The following GABRB3 variants were observed in gnomAD, a reference collection of about 807,000 sequenced individuals.
The protein encoded by GABRB3 is gamma-aminobutyric acid receptor subunit beta-3.
GABRB3 carries 14 observed loss-of-function variants against 52.1 expected under a neutral mutation model. The ratio of observed to expected loss-of-function variants is 0.27; its 90% CI spans 0.18 to 0.42. The LOEUF is 0.42. GABRB3 is among the 10% of genes least tolerant of loss of function. GABRB3 has a pLI of 1.00. For synonymous variants in GABRB3, 260 were observed against 232.3 expected, an observed-to-expected ratio of 1.12 and a Z score of -1.08; for missense variants, 307 against 609.1, an observed-to-expected ratio of 0.50 and a Z score of 5.22.
At chr15:26,744,330 T>C (rs981778605) in intron 3 of GABRB3, among the ~76,000 whole-genome samples, 3 of 152,250 alleles carry the variant, frequency 2.0e-5, no homozygotes, top group African/African-American at 7.2e-5. Context: ...CTTTTGGTTT[T>C]GTAATTTTTA....
At chr15:26,555,492 G>A (rs756420523) in intron 8 of GABRB3, among the ~76,000 whole-genome samples, 14 of 152,290 alleles carry the variant, frequency 9.2e-5, no homozygotes, top group Non-Finnish European at 1.8e-4. Context: ...ACGACCTCAC[G>A]AACGTGGGTC....
Position 26,544,723 on chromosome 15 carries a change from A to C in GABRB3, c.*3070T>G, listed in dbSNP as rs1011367694. 1 of 152,334 alleles carries C rather than the reference A, an allele frequency of 6.6e-6. No individual in the cohort carries two copies. Among genetic ancestry groups the C allele is most frequent in the Non-Finnish European group, 1.5e-5 (1 of 68,044 alleles). 9.4% of individuals were successfully genotyped at this position (152,334 alleles called of 1,614,324 possible). On this transcript the variant is annotated 3_prime_UTR_variant, in exon 9 of 9. Coordinates refer to ENST00000311550, the MANE Select transcript of GABRB3 (RefSeq NM_000814.6). ...AATATGGGTAATAACAAACTGTCATAACAAGATTCTTCTGTAGATCTTGAG... is the reference window on the plus strand; with the variant it reads ...AATATGGGTAATAACAAACTGTCATCACAAGATTCTTCTGTAGATCTTGAG...
intron 4 of GABRB3, chr15:26,612,162 G>A (rs188173599): frequency 3.9e-5 from 6 of 152,198 alleles, no homozygotes; most frequent in Admixed American, 3.3e-4. Flanking sequence ...CCTTCATGGT[G>A]GGCCACAAGA....
At position 26,555,833 on chromosome 15, in the gene GABRB3, T is replaced by A. The variant is rs543824724; in HGVS notation, c.1080+5099A>T. Among the ~76,000 whole-genome samples, 5 of 152,338 alleles carry A rather than the reference T, an allele frequency of 3.3e-5. No homozygotes were observed. In the South Asian group the frequency reaches 1.0e-3, roughly 32 times the overall value. ...TGTTAAATAGTTTGGCTGCTTTATT[T>A]ATGGTTTTATGTTTGTATGGTTTTC... On this transcript the variant is annotated intron_variant, in intron 8 of 8. Transcript: ENST00000311550.
At chr15:26,609,103 T>TACACACACACACACACACACAC (rs79471574) in intron 4 of GABRB3, among the ~76,000 whole-genome samples, 1 of 143,280 alleles carries the variant, frequency 7.0e-6, no homozygotes. Context: ...CACACACACA[T>TACACACACACACACACACACAC]ACACACACAC....
intron 3 of GABRB3, among the ~76,000 whole-genome samples, chr15:26,750,828 G>C (rs1890485324): frequency 6.6e-6 from 1 of 152,160 alleles, no homozygotes. Flanking sequence ...CTGTTATATT[G>C]AATGAATAAG....
chr15:26,572,756 G>A (rs895701624), intron 6 of GABRB3, among the ~76,000 whole-genome samples: 4 of 152,184 alleles, frequency 2.6e-5, no homozygotes, highest in Non-Finnish European at 4.4e-5. Flanking sequence ...GAAATGCGCT[G>A]AAGCCCTAAT....
In GABRB3 at chr15:26,672,786, C is replaced by T. The variant is rs182170795; in HGVS notation, c.241-51252G>A. Among the ~76,000 whole-genome samples, 76 of 152,006 alleles carry T rather than the reference C, an allele frequency of 5.0e-4. 1 individual carries two copies. The highest frequency in any genetic ancestry group is 3.4e-3 in the Middle Eastern group (1 of 294). On this transcript the variant is annotated intron_variant, in intron 3 of 8. Coordinates refer to ENST00000311550, the MANE Select transcript of GABRB3 (RefSeq NM_000814.6). ...TCAAACATCATGATCAGAGCAGATGCGCAATGTTTACAAGGACGGATGAAA... is the reference window on the plus strand; with the variant it reads ...TCAAACATCATGATCAGAGCAGATGTGCAATGTTTACAAGGACGGATGAAA...
At chr15:26,651,531 A>G (rs541011795) in intron 3 of GABRB3, among the ~76,000 whole-genome samples, 2 of 152,346 alleles carry the variant, frequency 1.3e-5, no homozygotes, top group South Asian at 4.2e-4. Flanking sequence ...CTGAGGAAAA[A>G]TCCGTGGTTA....
intron 4 of GABRB3, among the ~76,000 whole-genome samples, chr15:26,617,642 A>G (rs1892308535): frequency 6.6e-6 from 1 of 151,782 alleles, no homozygotes; most frequent in African/African-American, 2.4e-5. Flanking sequence ...CCTATTCAAC[A>G]TAGTGTTGGA....
chr15:26,660,355 T>G (rs942962627), intron 3 of GABRB3, among the ~76,000 whole-genome samples: 1 of 152,200 alleles, frequency 6.6e-6, no homozygotes, highest in Non-Finnish European at 1.5e-5. Flanking sequence ...AATAAACAGT[T>G]TTGTTACATT....
intron 3 of GABRB3, among the ~76,000 whole-genome samples, chr15:26,629,443 C>G (rs946086078): frequency 4.6e-5 from 7 of 152,218 alleles, no homozygotes. Context: ...TGTCTCCTGG[C>G]ACTGGCTCTT....
intron 3 of GABRB3, among the ~76,000 whole-genome samples, chr15:26,688,258 G>A (rs574266138): frequency 2.0e-5 from 3 of 152,174 alleles, no homozygotes; most frequent in African/African-American, 4.8e-5. Context: ...CATCAGCCCC[G>A]TGATCAATGG....
intron 3 of GABRB3, among the ~76,000 whole-genome samples, chr15:26,641,411 A>G (rs906605227): frequency 3.3e-5 from 5 of 152,178 alleles, no homozygotes; most frequent in Non-Finnish European, 7.4e-5. Context: ...GGCCAGAGGA[A>G]GGCAAGACAC....
intron 3 of GABRB3, among the ~76,000 whole-genome samples, chr15:26,644,514 C>T (rs1466617181): frequency 6.6e-6 from 1 of 152,192 alleles, no homozygotes; most frequent in African/African-American, 2.4e-5. Flanking sequence ...CAGCCACCAC[C>T]ACAAGGAGGG....
At chr15:26,552,644 A>G (rs1347521072) in intron 8 of GABRB3, among the ~76,000 whole-genome samples, 1 of 152,160 alleles carries the variant, frequency 6.6e-6, no homozygotes, top group Non-Finnish European at 1.5e-5. Flanking sequence ...TGCTGCAGGG[A>G]GGAGGGCTTG....
intron 3 of GABRB3, among the ~76,000 whole-genome samples, chr15:26,739,795 C>T (rs1456307273): frequency 6.6e-6 from 1 of 152,120 alleles, no homozygotes; most frequent in Non-Finnish European, 1.5e-5. Context: ...CATCACTTTT[C>T]TTAATTGGAC....
At chr15:26,596,373 CAAAT>C (rs1331887593) in intron 4 of GABRB3, among the ~76,000 whole-genome samples, 2 of 151,814 alleles carry the variant, frequency 1.3e-5, no homozygotes, top group African/African-American at 2.4e-5. Flanking sequence ...TTAGAAAGGC[CAAAT>C]AAAAATGACA....
rs766170500 is a variant in GABRB3, at chr15:26,544,974, C to T, written c.*2819G>A. On this transcript the variant is annotated 3_prime_UTR_variant, in exon 9 of 9. Coordinates refer to ENST00000311550, the MANE Select transcript of GABRB3 (RefSeq NM_000814.6). ...GGCTCAAATAACTACTGTGGAGTAA[C>T]GAGAGGTCATTTTAACACAACAGAG... 3 of 152,604 alleles carry T rather than the reference C, an allele frequency of 2.0e-5. No individual in the cohort carries two copies. Among genetic ancestry groups the T allele is most frequent in the Non-Finnish European group, 2.9e-5 (2 of 68,014 alleles). The allele number at this position is 152,604 out of a possible 1,614,324, so 9.5% of individuals were successfully genotyped here.
Sources: gnomAD v4.1 joint callset for allele counts (sites outside exome capture counted in the v4.1 genomes callset) on GRCh38, gnomAD v4.1.1 for gene constraint, MANE v1.5 for transcripts, NCBI Gene and HGNC (gene_info 2026-07-23, HGNC 2026-07-21) for gene names.